GABBR2: variants seen among roughly 807,000 people sequenced by gnomAD.
GABBR2 encodes gamma-aminobutyric acid type B receptor subunit 2, also known as G-protein coupled receptor 51.
In GABBR2, 23 loss-of-function variants were observed where a neutral mutation model predicts 105.6. The ratio of observed to expected loss-of-function variants is 0.22; its 90% CI spans 0.16 to 0.31. GABBR2 has a LOEUF of 0.31. Among genes scored for constraint, GABBR2 ranks in the 10% least tolerant of loss-of-function variants. The pLI is 1.00. For synonymous variants in GABBR2, 478 were observed against 499.7 expected (o/e 0.96, Z 0.58); for missense variants, 734 against 1,245.5 (o/e 0.59, Z 6.18).
chr9:98,508,809 G>A (rs1434113695), intron 3 of GABBR2, among the ~76,000 whole-genome samples: 2 of 152,034 alleles, frequency 1.3e-5, no homozygotes, highest in African/African-American at 2.4e-5. Context: ...GCTCAAGGAG[G>A]CCTGCCTGCC....
At chr9:98,375,565 T>C (rs993965619) in intron 11 of GABBR2, among the ~76,000 whole-genome samples, 3 of 152,146 alleles carry the variant, frequency 2.0e-5, no homozygotes, top group African/African-American at 7.2e-5. Flanking sequence ...GAACTCTTTG[T>C]CACCACAGAT....
At chr9:98,472,139 C>T (rs1488761710) in intron 6 of GABBR2, among the ~76,000 whole-genome samples, 1 of 151,864 alleles carries the variant, frequency 6.6e-6, no homozygotes, top group African/African-American at 2.4e-5. Context: ...TGTAAGAACC[C>T]TGGGGGTTGA....
rs545922299 is a variant in GABBR2 at position 98,523,963 on chromosome 9, A to G, written c.630+17910T>C. ...ATCAATAAAAGAAGCAAACTATCTA[A>G]TCAAGGGGAAAAGTGGGAAAAACAA... is the stretch of plus-strand genomic sequence containing the variant. On this transcript the variant is annotated intron_variant, in intron 3 of 18. Transcript: ENST00000259455. 1.2e-3 allele frequency among the ~76,000 whole-genome samples: 174 copies of G among 151,148 alleles called. 1 individual carries two copies. The highest frequency in any genetic ancestry group is 2.2e-3 in the Non-Finnish European group (147 of 67,836).
At chr9:98,448,434 T>C (rs1473546340) in intron 7 of GABBR2, among the ~76,000 whole-genome samples, 1 of 152,126 alleles carries the variant, frequency 6.6e-6, no homozygotes, top group Non-Finnish European at 1.5e-5. Context: ...TTAATTTATT[T>C]TATTTCTTTT....
At chr9:98,358,245 GT>G (rs1268649028) in intron 13 of GABBR2, among the ~76,000 whole-genome samples, 2 of 152,216 alleles carry the variant, frequency 1.3e-5, no homozygotes, top group Non-Finnish European at 2.9e-5. Flanking sequence ...TAGCTGGGCT[GT>G]GGGGCATGTG....
intron 13 of GABBR2, among the ~76,000 whole-genome samples, chr9:98,320,929 GTAAC>G (rs1354736430): frequency 6.6e-6 from 1 of 151,710 alleles, no homozygotes; most frequent in Non-Finnish European, 1.5e-5. Context: ...GTATACGCAT[GTAAC>G]TAACCTGCAC....
chr9:98,414,695 T>C (rs745634783), intron 7 of GABBR2, among the ~76,000 whole-genome samples: 97 of 152,304 alleles, frequency 6.4e-4, no homozygotes, highest in Non-Finnish European at 3.8e-4. Flanking sequence ...CAGACTAGGT[T>C]TTCCAGGCTT....
intron 13 of GABBR2, chr9:98,362,489 C>G (rs1228071429): frequency 3.5e-6 from 1 of 286,632 alleles, no homozygotes; most frequent in Non-Finnish European, 6.4e-6. Flanking sequence ...CTTAAAAAGC[C>G]CAACATTTCC....
intron 13 of GABBR2, among the ~76,000 whole-genome samples, chr9:98,350,903 A>G (rs1256209024): frequency 6.6e-6 from 1 of 152,066 alleles, no homozygotes; most frequent in Non-Finnish European, 1.5e-5. Context: ...AATTTTTTTT[A>G]TATATCTGGG....
At chr9:98,607,462 A>G in intron 1 of GABBR2, 1 of 581,834 alleles carries the variant, frequency 1.7e-6, no homozygotes, top group Non-Finnish European at 3.1e-6. Flanking sequence ...CAGATAATGA[A>G]AGAAACCCAA....
At chr9:98,528,236 T>A (rs1827998442) in intron 3 of GABBR2, among the ~76,000 whole-genome samples, 1 of 152,140 alleles carries the variant, frequency 6.6e-6, no homozygotes, top group African/African-American at 2.4e-5. Context: ...ATAGGCATTT[T>A]AAGTAAATCA....
At chr9:98,698,813 G>A (rs940187310) in intron 1 of GABBR2, among the ~76,000 whole-genome samples, 7 of 152,074 alleles carry the variant, frequency 4.6e-5, no homozygotes, top group Non-Finnish European at 7.4e-5. Flanking sequence ...TCACAATCTT[G>A]GTTATCTAGT....
chr9:98,608,240 T>C (rs1407044487), intron 1 of GABBR2: 2 of 679,014 alleles, frequency 2.9e-6, no homozygotes, highest in Middle Eastern at 4.1e-4. Context: ...TCTATAATGA[T>C]GGATTTAAGA....
intron 13 of GABBR2, among the ~76,000 whole-genome samples, chr9:98,340,049 G>A (rs1464975079): frequency 6.6e-6 from 1 of 151,630 alleles, no homozygotes; most frequent in Non-Finnish European, 1.5e-5. Flanking sequence ...CACACACTTT[G>A]CCGCACACTC....
In GABBR2 at chr9:98,559,185, A is replaced by G. The variant is rs540209497; in HGVS notation, c.460-17142T>C. Among the ~76,000 whole-genome samples, 4 of 152,298 alleles carry G rather than the reference A, an allele frequency of 2.6e-5. No homozygotes were observed. The South Asian group carries it at 8.3e-4, about 32-fold the overall frequency. ...CACTCTGTTGCCCAGGCTGAAGTGC[A>G]GTGGTGTGATCTCTGCTCACTGCAT... On this transcript the variant is annotated intron_variant, in intron 2 of 18. Transcript: ENST00000259455.
chr9:98,578,149 T>C, intron 1 of GABBR2, 77 bp from the exon 2 acceptor site: 2 of 1,520,940 alleles, frequency 1.3e-6, no homozygotes, highest in East Asian at 4.5e-5. Flanking sequence ...AACAAACAAA[T>C]CTTTCCTCAT....
chr9:98,401,577 T>A (rs143812268), intron 8 of GABBR2, among the ~76,000 whole-genome samples: 24 of 152,308 alleles, frequency 1.6e-4, no homozygotes, highest in Non-Finnish European at 2.1e-4. Context: ...TGCTGGTATA[T>A]CCTGAAGGAT....
At chr9:98,604,633 CTGGA>C (rs1829385648) in intron 1 of GABBR2, among the ~76,000 whole-genome samples, 1 of 152,152 alleles carries the variant, frequency 6.6e-6, no homozygotes, top group Non-Finnish European at 1.5e-5. Flanking sequence ...TTAATGCTGG[CTGGA>C]TGCTCATACT....
chr9:98,465,082 C>A (rs1442619650), intron 6 of GABBR2, among the ~76,000 whole-genome samples: 3 of 141,564 alleles, frequency 2.1e-5, no homozygotes, highest in African/African-American at 5.3e-5. Flanking sequence ...CTGCCACATC[C>A]CCCTCTCTGA....
Sources: allele counts gnomAD v4.1 joint callset (sites outside exome capture counted in the v4.1 genomes callset), GRCh38; gene constraint gnomAD v4.1.1; transcripts MANE v1.5; gene names NCBI Gene and HGNC (gene_info 2026-07-23, HGNC 2026-07-21).